Variants in TTC6 observed in about 807,000 individuals in gnomAD.
TTC6 encodes tetratricopeptide repeat protein 6.
A neutral mutation model predicts 210.4 loss-of-function variants in TTC6; 172 were observed. That is an observed-to-expected ratio of 0.82 (90% CI 0.72 to 0.93). The LOEUF (loss-of-function observed/expected upper bound fraction) is 0.93, where lower values mean the gene tolerates loss of function less well. Among genes scored for constraint, TTC6 ranks in the 40% least tolerant of loss-of-function variants. The pLI, the probability that TTC6 is intolerant of heterozygous loss-of-function variation, is 0.00. For synonymous variants in TTC6, 804 were observed against 819.6 expected (o/e 0.98, Z 0.32); for missense variants, 2,414 against 2,318.1 (o/e 1.04, Z -0.85).
chr14:37,670,716 C>T (rs1174548396), intron 1 of TTC6, among the ~76,000 whole-genome samples: 1 of 151,886 alleles, frequency 6.6e-6, no homozygotes. Flanking sequence ...AGTGATCTGC[C>T]TGCCTCAGCC....
exon 21 of TTC6, chr14:37,804,700 G>C: frequency 3.1e-6 from 5 of 1,613,924 alleles, no homozygotes; most frequent in Non-Finnish European, 4.2e-6. Flanking sequence ...AAGTGCTTAA[G>C]AAGGCTTTGG....
intron 7 of TTC6, among the ~76,000 whole-genome samples, chr14:37,727,715 C>A (rs985193084): frequency 6.6e-6 from 1 of 150,402 alleles, no homozygotes; most frequent in Admixed American, 6.6e-5. Flanking sequence ...TTTTCATTTG[C>A]AGTGTCTTTA....
intron 26 of TTC6, among the ~76,000 whole-genome samples, chr14:37,822,953 G>T (rs2096161378): frequency 6.6e-6 from 1 of 152,152 alleles, no homozygotes; most frequent in South Asian, 2.1e-4. Context: ...TAAGTATTTA[G>T]CACAGTACCT....
intron 4 of TTC6, 48 bp from the exon 7 acceptor site, chr14:37,701,284 A>G (rs1314703933): frequency 7.8e-7 from 1 of 1,285,204 alleles, no homozygotes; most frequent in Non-Finnish European, 1.0e-6. Context: ...TTTATATCTA[A>G]AGTCCACAAA....
chr14:37,766,423 C>T (rs889072492), intron 14 of TTC6, among the ~76,000 whole-genome samples: 1 of 152,148 alleles, frequency 6.6e-6, no homozygotes, highest in Non-Finnish European at 1.5e-5. Context: ...CATGTGTTCT[C>T]AATATCTAGC....
At chr14:37,627,103 C>T (rs184567910) in intron 1 of TTC6, among the ~76,000 whole-genome samples, 3 of 152,034 alleles carry the variant, frequency 2.0e-5, no homozygotes, top group Non-Finnish European at 2.9e-5. Flanking sequence ...CCCTTCCCCC[C>T]ACTCTCTCTT....
In TTC6 at chr14:37,776,212, G is replaced by A. The variant is rs1427470833; in HGVS notation, c.3267-11256G>A. 1.9e-4 allele frequency among the ~76,000 whole-genome samples: 4 copies of A among 20,884 alleles called. 2 individuals carry two copies. The highest frequency in any genetic ancestry group is 2.7e-4 in the African/African-American group (2 of 7,492). The allele number at this position is 20,884 out of a possible 152,430, so 13.7% of individuals were successfully genotyped here. On this transcript the variant is annotated intron_variant, in intron 14 of 30. Coordinates refer to ENST00000553443, the Ensembl canonical transcript of TTC6. ...ACTACAGGCGCCCGCCACCGCGCCC[G>A]GCTAATTTTTTGTCTTTTTAGTAGA...
At chr14:37,825,408 AGT>A (rs2096168506) in intron 27 of TTC6, among the ~76,000 whole-genome samples, 1 of 152,036 alleles carries the variant, frequency 6.6e-6, no homozygotes, top group Non-Finnish European at 1.5e-5. Context: ...TTTATATGAG[AGT>A]CCCTAGGCTC....
intron 1 of TTC6, among the ~76,000 whole-genome samples, chr14:37,628,991 C>G (rs2095664919): frequency 6.6e-6 from 1 of 152,158 alleles, no homozygotes; most frequent in Non-Finnish European, 1.5e-5. Context: ...CAGTACCATG[C>G]TGTTTTGGTT....
In TTC6 at chr14:37,650,027, T is replaced by A. The variant is rs926294448; in HGVS notation, c.939+27024T>A. Reference sequence around the variant, plus strand: ...CTTGATAATTAGCGATTCAGTATTTTAAGGACAAGTAAGCTTTCTTTCATG... The same window carrying A: ...CTTGATAATTAGCGATTCAGTATTTAAAGGACAAGTAAGCTTTCTTTCATG... On this transcript the variant is annotated intron_variant, in intron 1 of 30. Coordinates refer to ENST00000553443, the Ensembl canonical transcript of TTC6. 2.3e-4 allele frequency among the ~76,000 whole-genome samples: 35 copies of A among 152,256 alleles called. 1 individual carries two copies. Among genetic ancestry groups the A allele is most frequent in the Admixed American group, 6.5e-5 (1 of 15,284 alleles).
At chr14:37,760,982 A>G (rs1044907623) in intron 14 of TTC6, among the ~76,000 whole-genome samples, 15 of 152,148 alleles carry the variant, frequency 9.9e-5, no homozygotes, top group African/African-American at 3.4e-4. Flanking sequence ...GAGTGAGACA[A>G]CTTGGCTCCC....
At chr14:37,601,587 G>T (rs2095615672) in intron 1 of TTC6, among the ~76,000 whole-genome samples, 1 of 152,220 alleles carries the variant, frequency 6.6e-6, no homozygotes. Flanking sequence ...TGGGCCGATG[G>T]ACTGAGTGAA....
At chr14:37,705,462 G>A (rs2095833718) in intron 5 of TTC6, among the ~76,000 whole-genome samples, 1 of 152,032 alleles carries the variant, frequency 6.6e-6, no homozygotes, top group African/African-American at 2.4e-5. Flanking sequence ...TCTTAAATAT[G>A]GGATTCCAGA....
chr14:37,743,400 T>G (rs565959616), intron 10 of TTC6, among the ~76,000 whole-genome samples: 34 of 152,360 alleles, frequency 2.2e-4, no homozygotes, highest in South Asian at 1.4e-3. Flanking sequence ...TAGCAAGATC[T>G]TGTTTCCTTA....
chr14:37,789,340 G>GA lies in TTC6; in HGVS notation c.3437-1377_3437-1376insA, dbSNP rs1555400155. ...TTTTTTTCCTTTTTCCTTAAGAAGA[G>GA]TTTTTTTATTGTTTGTTAAGAGCAG... On this transcript the variant is annotated intron_variant, in intron 15 of 30. Transcript: ENST00000553443. Among the ~76,000 whole-genome samples, 14 of 151,086 alleles carry GA rather than the reference G, an allele frequency of 9.3e-5. No individual in the cohort carries two copies. In the South Asian group the frequency reaches 2.9e-3, roughly 32 times the overall value.
intron 14 of TTC6, among the ~76,000 whole-genome samples, chr14:37,776,855 C>T (rs372053752): frequency 7.0e-4 from 107 of 152,134 alleles, no homozygotes; most frequent in African/African-American, 2.5e-3. Flanking sequence ...CGAGATGGCA[C>T]CATTTAACTC....
At position 37,696,697 on chromosome 14, in the gene TTC6, C is replaced by T. The variant is rs2138653255; in HGVS notation, c.1258-20C>T. The T allele has an allele frequency of 1.6e-6, 2 of 1,272,738 alleles. No individual in the cohort carries two copies. The highest frequency in any genetic ancestry group is 2.1e-6 in the Non-Finnish European group (2 of 954,476). 78.8% of individuals were successfully genotyped at this position (1,272,738 alleles called of 1,614,324 possible). A position where few individuals can be genotyped will look rare whatever the true frequency, so the allele number is the denominator to read the frequency against. On this transcript the variant is annotated intron_variant, in intron 3 of 30. Coordinates refer to ENST00000553443, the Ensembl canonical transcript of TTC6. ...CATGTTACATCTTCTCTTAACAGCA[C>T]ACTTTATATTTTCTTAAAGGCAAAA...
At chr14:37,817,520 T>A (rs2096144893) in intron 25 of TTC6, 58 bp from the exon 28 acceptor site, 1 of 1,521,136 alleles carries the variant, frequency 6.6e-7, no homozygotes, top group African/African-American at 1.4e-5. Context: ...GAAGGAAGTT[T>A]AAGATAGCAC....
chr14:37,834,078 C>T (rs930171974), intron 29 of TTC6, among the ~76,000 whole-genome samples: 1 of 152,100 alleles, frequency 6.6e-6, no homozygotes, highest in Non-Finnish European at 1.5e-5. Context: ...ACAGAAATTC[C>T]TTTATATGTG....
Sources: allele counts gnomAD v4.1 joint callset (sites outside exome capture counted in the v4.1 genomes callset), GRCh38; gene constraint gnomAD v4.1.1; transcripts MANE v1.5; gene names NCBI Gene and HGNC (gene_info 2026-07-23, HGNC 2026-07-21).